Variants in TXNRD1 observed in about 807,000 individuals in gnomAD.
TXNRD1 encodes thioredoxin reductase 1, cytoplasmic.
TXNRD1 carries 57 observed loss-of-function variants against 80.3 expected under a neutral mutation model. That is an observed-to-expected ratio of 0.71 (90% confidence interval 0.57 to 0.89). The LOEUF (loss-of-function observed/expected upper bound fraction) is 0.89, where lower values mean the gene tolerates loss of function less well. Ranked by LOEUF, TXNRD1 falls within the 40% of genes least tolerant of loss-of-function variation. The pLI is 0.00. For synonymous variants in TXNRD1, 291 were observed against 285.2 expected (o/e 1.02, Z -0.20); for missense variants, 730 against 803.0 (o/e 0.91, Z 1.10).
At chr12:104,258,906 G>C (rs945794494) in intron 3 of TXNRD1, among the ~76,000 whole-genome samples, 1 of 152,148 alleles carries the variant, frequency 6.6e-6, no homozygotes, top group African/African-American at 2.4e-5. Context: ...CTCTAGCCTG[G>C]ATTACTGAGT....
chr12:104,335,574 T>C (rs1467780990), intron 15 of TXNRD1, among the ~76,000 whole-genome samples: 1 of 152,212 alleles, frequency 6.6e-6, no homozygotes, highest in African/African-American at 2.4e-5. Context: ...TTTTTTTCCA[T>C]ATATATGAAA....
chr12:104,288,942 G>A lies in TXNRD1; in HGVS notation c.316G>A (p.Ala106Thr), dbSNP rs768084670. 62 of 1,613,916 alleles carry A rather than the reference G, an allele frequency of 3.8e-5. No homozygotes were observed. The highest frequency in any genetic ancestry group is 4.7e-5 in the Non-Finnish European group (56 of 1,179,896). The change falls in exon 4 of 17, where the codon GCC becomes ACC. Residue 106 changes from alanine (A) to threonine (T), a missense_variant. Transcript: ENST00000525566. ...LELDQTEDGR[A>T]LEGTLSELAA... Reference sequence around the variant, plus strand: ...TTTGTGCCACACAGAGGACGGTCGGGCCCTGGAAGGAACGCTCTCGGAATT... The same window carrying A: ...TTTGTGCCACACAGAGGACGGTCGGACCCTGGAAGGAACGCTCTCGGAATT...
intron 4 of TXNRD1, chr12:104,304,033 CGAG>C (rs370020519): frequency 4.2e-4 from 671 of 1,613,244 alleles, no homozygotes; most frequent in East Asian, 1.6e-3. Flanking sequence ...TCACCGCTGA[CGAG>C]GAGAAGTGCC....
At chr12:104,268,052 T>G (rs1380349895) in intron 3 of TXNRD1, among the ~76,000 whole-genome samples, 1 of 151,528 alleles carries the variant, frequency 6.6e-6, no homozygotes, top group Non-Finnish European at 1.5e-5. Context: ...GGTTTCATCA[T>G]GTTGTCCAGG....
At chr12:104,290,805 T>G (rs2034175840) in intron 4 of TXNRD1, among the ~76,000 whole-genome samples, 1 of 141,440 alleles carries the variant, frequency 7.1e-6, no homozygotes, top group African/African-American at 2.6e-5. Context: ...ACCTGTGCCA[T>G]AAGTTTACAT....
intron 3 of TXNRD1, among the ~76,000 whole-genome samples, chr12:104,264,010 C>T (rs1023668006): frequency 7.4e-4 from 112 of 152,168 alleles, no homozygotes; most frequent in African/African-American, 2.7e-3. Context: ...CCCTAGTTGC[C>T]TCTTTGGCAT....
chr12:104,220,698 C>T (rs575724045), intron 1 of TXNRD1, among the ~76,000 whole-genome samples: 2 of 135,130 alleles, frequency 1.5e-5, no homozygotes, highest in Admixed American at 1.6e-4. Context: ...GCACTCCAGC[C>T]TGGGTGATGA....
chr12:104,325,077 TC>T (rs374444890), intron 10 of TXNRD1, among the ~76,000 whole-genome samples: 1 of 152,006 alleles, frequency 6.6e-6, no homozygotes. Flanking sequence ...AGCTTGCTTT[TC>T]CCCCCCATTT....
At position 104,215,791 on chromosome 12, in the gene TXNRD1, G is replaced by A; in HGVS notation, c.-12G>A. The stretch of plus-strand genomic sequence containing the variant: ...CTTCGGCTCCGTCAGTTCCCACAGG[G>A]CCTTGTGCGACATGGGCTGCGCCGA... On this transcript the variant is annotated 5_prime_UTR_variant, in exon 1 of 17. Transcript: ENST00000525566. 6.4e-7 allele frequency: 1 copy of A among 1,553,474 alleles called. No homozygotes were observed. Among genetic ancestry groups the A allele is most frequent in the Non-Finnish European group, 8.7e-7 (1 of 1,148,628 alleles).
At chr12:104,275,081 T>C (rs1185182542) in intron 3 of TXNRD1, among the ~76,000 whole-genome samples, 1 of 152,170 alleles carries the variant, frequency 6.6e-6, no homozygotes. Flanking sequence ...AGGTTTTTCA[T>C]GTTCCTTTCA....
intron 13 of TXNRD1, among the ~76,000 whole-genome samples, chr12:104,329,766 T>A (rs2035888028): frequency 6.6e-6 from 1 of 152,206 alleles, no homozygotes; most frequent in Non-Finnish European, 1.5e-5. Context: ...GAACTCTCTT[T>A]ATGCGTGCAA....
intron 10 of TXNRD1, among the ~76,000 whole-genome samples, chr12:104,323,129 C>T (rs2035600623): frequency 8.1e-6 from 1 of 123,916 alleles, no homozygotes. Flanking sequence ...GGTAAGGTCA[C>T]AGATCAACAG....
intron 4 of TXNRD1, among the ~76,000 whole-genome samples, chr12:104,302,868 T>C (rs1452398823): frequency 6.6e-6 from 1 of 152,204 alleles, no homozygotes; most frequent in Admixed American, 6.5e-5. Context: ...CACTTGAGTT[T>C]CCAGTGACCC....
chr12:104,252,690 ATTTTTTTTTTTTTTTTTT>A (rs869239974), intron 2 of TXNRD1, among the ~76,000 whole-genome samples: 4 of 39,644 alleles, frequency 1.0e-4, no homozygotes, highest in African/African-American at 4.7e-4. Context: ...ATATATATAT[ATTTTTTTTTTTTTTTTTT>A]TTTTTTTTTT....
rs764327204 is a variant in TXNRD1, at chr12:104,339,207, G to A, written c.1815G>A (p.Ala605=). 6.7e-5 allele frequency: 108 copies of A among 1,613,796 alleles called. No individual in the cohort carries two copies. The highest frequency in any genetic ancestry group is 2.2e-4 in the South Asian group (20 of 91,072). Residue 605 remains alanine, a synonymous_variant, in exon 16 of 17, where the codon GCG becomes GCA. Coordinates refer to ENST00000525566, the MANE Select transcript of TXNRD1 (RefSeq NM_001093771.3). ...AGEVTQGFAA[A]LKCGLTKKQL... is the part of the protein sequence containing the mutation. ...AAGTTACACAAGGCTTTGCAGCTGC[G>A]CTCAAATGTGGACTGACCAAAAAGC...
chr12:104,320,812 G>T (rs1001744019), intron 9 of TXNRD1, among the ~76,000 whole-genome samples: 1 of 152,162 alleles, frequency 6.6e-6, no homozygotes. Flanking sequence ...AAATCATTTA[G>T]TGTGAAGATG....
rs58669975 is a variant in TXNRD1 at position 104,290,720 on chromosome 12, CATATATATATATATATAT to C, written c.414+1701_414+1718del. Among the ~76,000 whole-genome samples the C allele has an allele frequency of 3.8e-3, 211 of 55,868 alleles. 4 individuals carry two copies. The highest frequency in any genetic ancestry group is 0.015 in the Middle Eastern group (1 of 68). The allele number at this position is 55,868 out of a possible 152,430, so 36.7% of individuals were successfully genotyped here. ...TCAAAAAAAAAAAAAAAGAAATATA[CATATATATATATATATAT>C]ATATATATATATATATATATGTATA... On this transcript the variant is annotated intron_variant, in intron 4 of 16. Coordinates refer to ENST00000525566, the MANE Select transcript of TXNRD1 (RefSeq NM_001093771.3).
Position 104,318,893 on chromosome 12 carries a change from TG to T in TXNRD1, c.731-19del. 1 of 1,585,540 alleles carries T rather than the reference TG, an allele frequency of 6.3e-7. No homozygotes were observed. The highest frequency in any genetic ancestry group is 2.3e-5 in the East Asian group (1 of 44,274). ...GCAGTTGAAAAGCCAAACAAGATTT[TG>T]TTTTATTTTCTTATACAGTTAAGCA... On this transcript the variant is annotated intron_variant, in intron 7 of 16. Transcript: ENST00000525566.
At chr12:104,294,231 A>T (rs1565882836) in intron 4 of TXNRD1, among the ~76,000 whole-genome samples, 2 of 79,590 alleles carry the variant, frequency 2.5e-5, no homozygotes, top group Non-Finnish European at 2.8e-5. Context: ...CCCCGGGGAA[A>T]GGCCCCCCCC....
Sources: gnomAD v4.1 joint callset for allele counts (sites outside exome capture counted in the v4.1 genomes callset) on GRCh38, gnomAD v4.1.1 for gene constraint, MANE v1.5 for transcripts, NCBI Gene and HGNC (gene_info 2026-07-23, HGNC 2026-07-21) for gene names.